MAP3K5: variants seen among roughly 807,000 people sequenced by gnomAD.
MAP3K5 encodes the protein ASK-1.
Under a neutral mutation model 158.7 loss-of-function variants are expected in MAP3K5, and 56 were observed. The observed-to-expected ratio is 0.35, with a 90% CI of 0.28 to 0.44. The LOEUF (loss-of-function observed/expected upper bound fraction) is 0.44. Among genes scored for constraint, MAP3K5 ranks in the 20% least tolerant of loss-of-function variants. MAP3K5 has a pLI of 1.00. For synonymous variants in MAP3K5, 579 were observed against 601.7 expected, an observed-to-expected ratio of 0.96 and a Z score of 0.55; for missense variants, 1,294 against 1,674.8, an observed-to-expected ratio of 0.77 and a Z score of 3.97.
At chr6:136,637,790 G>A (rs1314701085) in intron 13 of MAP3K5, among the ~76,000 whole-genome samples, 5 of 152,056 alleles carry the variant, frequency 3.3e-5, no homozygotes, top group Non-Finnish European at 7.4e-5. Flanking sequence ...ACATAAAGCC[G>A]GGAAGCACTG....
At chr6:136,732,369 G>A (rs1025261824) in intron 1 of MAP3K5, among the ~76,000 whole-genome samples, 15 of 152,178 alleles carry the variant, frequency 9.9e-5, no homozygotes, top group Non-Finnish European at 1.8e-4. Context: ...AAGTTGCAGT[G>A]AGCTGAGATC....
intron 3 of MAP3K5, among the ~76,000 whole-genome samples, chr6:136,704,759 T>G (rs7768825): frequency 0.57 from 86,379 of 151,598 alleles, 25,747 homozygotes; most frequent in African/African-American, 0.75. Flanking sequence ...TTGCCCAGGC[T>G]GTTCTTGAAC....
At chr6:136,594,802 TTGTG>T (rs149943450) in intron 21 of MAP3K5, among the ~76,000 whole-genome samples, 1 of 150,132 alleles carries the variant, frequency 6.7e-6, no homozygotes, top group Non-Finnish European at 1.5e-5. Context: ...GTTTCCGTGT[TTGTG>T]TGTGTGTGTG....
At chr6:136,760,877 T>C (rs1313093294) in intron 1 of MAP3K5, among the ~76,000 whole-genome samples, 1 of 152,050 alleles carries the variant, frequency 6.6e-6, no homozygotes, top group Non-Finnish European at 1.5e-5. Flanking sequence ...GGCTGAGGCA[T>C]GAGAATGGCT....
intron 1 of MAP3K5, among the ~76,000 whole-genome samples, chr6:136,733,908 T>C (rs1782337993): frequency 6.6e-6 from 1 of 152,172 alleles, no homozygotes; most frequent in Admixed American, 6.5e-5. Flanking sequence ...AGTATCATAA[T>C]TATAGGATCA....
chr6:136,654,892 A>C (rs1778677065), intron 10 of MAP3K5, among the ~76,000 whole-genome samples: 1 of 152,198 alleles, frequency 6.6e-6, no homozygotes, highest in Non-Finnish European at 1.5e-5. Flanking sequence ...TAATCAAACA[A>C]AAATATCCAT....
chr6:136,681,107 T>C (rs551537697), intron 7 of MAP3K5, among the ~76,000 whole-genome samples: 6 of 152,342 alleles, frequency 3.9e-5, no homozygotes, highest in Non-Finnish European at 7.4e-5. Context: ...AAAAATTCCC[T>C]AAGCAATTCT....
At chr6:136,603,388 G>A (rs1356865572) in intron 19 of MAP3K5, among the ~76,000 whole-genome samples, 2 of 150,536 alleles carry the variant, frequency 1.3e-5, no homozygotes, top group Non-Finnish European at 3.0e-5. Context: ...ATGTTGGCCA[G>A]GCTGGTCTTG....
In MAP3K5 at chr6:136,634,571, CTTATGT is replaced by C. The variant is rs1340109337; in HGVS notation, c.2016+2748_2016+2753del. ...AGGATAGAAATGTAAGAATGTTTTT[CTTATGT>C]TTTTCTTTTCTTTTTTTTTTGAGAC... On this transcript the variant is annotated intron_variant, in intron 14 of 29. Coordinates refer to ENST00000359015, the MANE Select transcript of MAP3K5 (RefSeq NM_005923.4). Among the ~76,000 whole-genome samples, 638 of 150,988 alleles carry C rather than the reference CTTATGT, an allele frequency of 4.2e-3. 4 individuals carry two copies. The highest frequency in any genetic ancestry group is 0.015 in the African/African-American group (609 of 40,576).
intron 23 of MAP3K5, among the ~76,000 whole-genome samples, chr6:136,585,519 T>G (rs1775103640): frequency 7.0e-6 from 1 of 143,212 alleles, no homozygotes; most frequent in African/African-American, 2.6e-5. Context: ...ATTTATTTTT[T>G]GACAAAGTCT....
Position 136,642,538 on chromosome 6 carries a change from G to T in MAP3K5, c.1820C>A (p.Ser607Tyr). The change falls in exon 12 of 30, where the codon TCT (serine) becomes TAT (tyrosine). Residue 607 changes from serine to tyrosine, a missense_variant. By Grantham distance (144) the Ser-to-Tyr change is moderately radical (BLOSUM62 -2). Around this residue, in one of 5 missense-constraint regions of MAP3K5, gnomAD observed 690 missense variants for 870.5 expected, o/e 0.79. Transcript: ENST00000359015. Reference sequence around the variant, plus strand: ...AACTTACCTCACTCCCCTGACAGAAGAGGCACTAAAATTCCACTCATGTAT... The same window carrying T: ...AACTTACCTCACTCCCCTGACAGAATAGGCACTAAAATTCCACTCATGTAT... ...KGIHEWNFSA[S>Y]SVRGVSISKF... The T allele has an allele frequency of 1.2e-6, 2 of 1,610,740 alleles. No individual in the cohort carries two copies. The highest frequency in any genetic ancestry group is 1.7e-6 in the Non-Finnish European group (2 of 1,177,180).
intron 15 of MAP3K5, among the ~76,000 whole-genome samples, chr6:136,620,393 C>G (rs1443341002): frequency 6.6e-6 from 1 of 152,168 alleles, no homozygotes; most frequent in Non-Finnish European, 1.5e-5. Flanking sequence ...TCTTTTGTAA[C>G]AAACCTGCGC....
At chr6:136,629,018 T>C (rs532548609) in intron 14 of MAP3K5, among the ~76,000 whole-genome samples, 1 of 152,234 alleles carries the variant, frequency 6.6e-6, no homozygotes, top group South Asian at 2.1e-4. Flanking sequence ...TCTATGGTAA[T>C]AGGTTAGCAA....
chr6:136,619,918 G>A (rs1159133583), intron 15 of MAP3K5, among the ~76,000 whole-genome samples: 1 of 152,194 alleles, frequency 6.6e-6, no homozygotes, highest in Non-Finnish European at 1.5e-5. Context: ...TGGATACATG[G>A]GGAGACAGTA....
chr6:136,740,221 T>C (rs896691052), intron 1 of MAP3K5, among the ~76,000 whole-genome samples: 2 of 152,200 alleles, frequency 1.3e-5, no homozygotes, highest in Admixed American at 6.5e-5. Context: ...TCTTTGGTCA[T>C]TTCTTGTTTG....
At chr6:136,624,698 A>C (rs994211390) in intron 14 of MAP3K5, among the ~76,000 whole-genome samples, 1 of 152,194 alleles carries the variant, frequency 6.6e-6, no homozygotes, top group African/African-American at 2.4e-5. Flanking sequence ...TGACCATGGG[A>C]ATTACACAGT....
Position 136,694,240 on chromosome 6 carries a change from C to T in MAP3K5, c.1153G>A (p.Val385Ile), listed in dbSNP as rs777749916. 15 of 1,613,576 alleles carry T rather than the reference C, an allele frequency of 9.3e-6. No individual in the cohort carries two copies. In the African/African-American group the frequency reaches 1.7e-4, roughly 19 times the overall value. ...ACTAGGCAATACATATCTGAAGCAA[C>T]TTGTCCTTCGCTTTGCACCATGGGA... ...MIPMVQSEGQ[V>I]ASDMYCLVGR... is the part of the protein sequence containing the mutation. The change falls in exon 7 of 30, where the codon GTT (valine) becomes ATT (isoleucine). Residue 385 changes from valine (V) to isoleucine (I), a missense_variant. This residue lies in a region of MAP3K5 where 690 missense variants were observed against 870.5 expected (regional missense o/e 0.79). Coordinates refer to ENST00000359015, the MANE Select transcript of MAP3K5 (RefSeq NM_005923.4).
chr6:136,676,175 T>C (rs749613298), intron 7 of MAP3K5, among the ~76,000 whole-genome samples: 2 of 152,214 alleles, frequency 1.3e-5, no homozygotes, highest in African/African-American at 2.4e-5. Context: ...CTTAACAGCC[T>C]TGCTGACCAA....
Position 136,700,326 on chromosome 6 carries a change from G to A in MAP3K5, c.613-1644C>T, listed in dbSNP as rs545249203. ...GCATGACCAGGTCGGCAGAGGTGGC[G>A]ATAGAGAAACAGACACGTGCGTGAC... On this transcript the variant is annotated intron_variant, in intron 3 of 29. Transcript: ENST00000359015. Among the ~76,000 whole-genome samples the A allele has an allele frequency of 7.2e-5, 11 of 152,224 alleles. No homozygotes were observed. The East Asian group carries it at 1.5e-3, about 21-fold the overall frequency.
Sources: allele counts gnomAD v4.1 joint callset (sites outside exome capture counted in the v4.1 genomes callset), GRCh38; gene constraint gnomAD v4.1.1; regional missense constraint gnomAD v4.1.1; transcripts MANE v1.5; gene names NCBI Gene and HGNC (gene_info 2026-07-23, HGNC 2026-07-21).